Variants in POLR2F observed in about 807,000 individuals in gnomAD.
The protein encoded by POLR2F is RNA polymerase II, I and III subunit F.
Under a neutral mutation model 22.7 loss-of-function variants are expected in POLR2F, and 12 were observed. That is an observed-to-expected ratio of 0.53 (90% CI 0.34 to 0.86). The LOEUF (loss-of-function observed/expected upper bound fraction) is 0.86, where lower values mean the gene tolerates loss of function less well. Among genes scored for constraint, POLR2F ranks in the 40% least tolerant of loss-of-function variants. The pLI, the probability that POLR2F is intolerant of heterozygous loss-of-function variation, is 0.02. For missense variants in POLR2F, 126 were observed against 171.5 expected (o/e 0.73, Z 1.48); for synonymous variants, 57 against 66.0 (o/e 0.86, Z 0.66).
At chr22:37,999,704 C>T (rs1197512474) in intron 1 of POLR2F, among the ~76,000 whole-genome samples, 1 of 152,056 alleles carries the variant, frequency 6.6e-6, no homozygotes, top group Non-Finnish European at 1.5e-5. Context: ...GCAGGGTGCC[C>T]CACTCCTTGG....
chr22:38,027,152 G>C (rs898079111), downstream of POLR2F, among the ~76,000 whole-genome samples: 2 of 152,156 alleles, frequency 1.3e-5, no homozygotes, highest in South Asian at 4.1e-4. Context: ...CAGGTGACTC[G>C]TTAGCGTATG....
At chr22:37,998,607 C>T (rs1293048647) in intron 1 of POLR2F, among the ~76,000 whole-genome samples, 5 of 152,192 alleles carry the variant, frequency 3.3e-5, no homozygotes, top group Non-Finnish European at 4.4e-5. Flanking sequence ...TCCCTCTCTG[C>T]ACCCTCCCTA....
downstream of POLR2F, among the ~76,000 whole-genome samples, chr22:37,970,377 C>T (rs939161145): frequency 2.7e-5 from 4 of 146,392 alleles, no homozygotes; most frequent in Non-Finnish European, 5.9e-5. Flanking sequence ...CCGAGGCAAG[C>T]GGATCATGAG....
Position 37,967,678 on chromosome 22 carries a change from A to C in POLR2F, c.347A>C (p.Glu116Ala). The change falls in exon 5 of 5, where the codon GAA becomes GCA. Residue 116 changes from glutamate to alanine, a missense_variant. By Grantham distance (107) the Glu-to-Ala change is moderately radical. Coordinates refer to ENST00000442738, the MANE Select transcript of POLR2F (RefSeq NM_021974.5). ...IRRYLPDGSY[E>A]DWGVDELIIT... ...CGTTACCTGCCAGATGGGAGCTATG[A>C]AGACTGGGGGGTGGACGAGCTCATC... 6.2e-7 allele frequency: 1 copy of C among 1,613,876 alleles called. No individual in the cohort carries two copies. The highest frequency in any genetic ancestry group is 8.5e-7 in the Non-Finnish European group (1 of 1,179,918).
intron 4 of POLR2F, among the ~76,000 whole-genome samples, chr22:37,975,676 A>G (rs1932199566): frequency 6.6e-6 from 1 of 152,196 alleles, no homozygotes; most frequent in South Asian, 2.1e-4. Context: ...TCTGTACTTC[A>G]AGAGACCTGC....
downstream of POLR2F, chr22:37,971,211 A>T (rs545957860): frequency 7.4e-5 from 35 of 470,654 alleles, no homozygotes; most frequent in African/African-American, 6.8e-4. Flanking sequence ...GATGATGGTT[A>T]AAAATGCAAG....
In POLR2F at chr22:37,967,106, GC is replaced by G. The variant is rs2145749741; in HGVS notation, c.233del (p.Pro78LeufsTer2). On this transcript the variant is annotated frameshift_variant, in exon 4 of 5. Coordinates refer to ENST00000442738, the MANE Select transcript of POLR2F (RefSeq NM_021974.5). LOFTEE classifies it high-confidence loss of function. ...CTGTCCCTATCCCTACAGGATGTGT[GC>G]CCCTGTGATGGTGGAGCTGGAGGGG... is the stretch of plus-strand genomic sequence containing the variant. ...GTRALQIAMCAPVMVELEGET... is the reference protein window; with the variant it reads ...GTRALQIAMCXPVMVELEGET... 6.2e-7 allele frequency: 1 copy of G among 1,611,874 alleles called. No homozygotes were observed. Among genetic ancestry groups the G allele is most frequent in the Non-Finnish European group, 8.5e-7 (1 of 1,178,344 alleles).
intron 1 of POLR2F, among the ~76,000 whole-genome samples, chr22:38,013,589 A>G (rs139905): frequency 0.6 from 90,957 of 152,092 alleles, 27,343 homozygotes; most frequent in East Asian, 0.75. Flanking sequence ...TTTACTAGCT[A>G]GCATACAGTG....
chr22:38,012,455 A>G (rs1172557579), intron 1 of POLR2F, among the ~76,000 whole-genome samples: 1 of 152,188 alleles, frequency 6.6e-6, no homozygotes, highest in African/African-American at 2.4e-5. Context: ...AAATTCCCGT[A>G]TATCCTTTAC....
chr22:38,030,063 C>T (rs1250874916), downstream of POLR2F, among the ~76,000 whole-genome samples: 1 of 152,178 alleles, frequency 6.6e-6, no homozygotes, highest in Non-Finnish European at 1.5e-5. Flanking sequence ...TTGTTTGGCT[C>T]AAGCGTGGGG....
upstream of POLR2F, among the ~76,000 whole-genome samples, chr22:37,981,879 G>C (rs934138958): frequency 6.6e-6 from 1 of 152,190 alleles, no homozygotes; most frequent in Non-Finnish European, 1.5e-5. Context: ...AGGGCACTGA[G>C]GGCTGAGAAG....
At chr22:37,977,572 G>C (rs985418326) in intron 4 of POLR2F, among the ~76,000 whole-genome samples, 5 of 151,858 alleles carry the variant, frequency 3.3e-5, no homozygotes, top group African/African-American at 4.8e-5. Context: ...TGCCCTCCTC[G>C]GCCTCCCAAA....
At chr22:37,983,255 C>T (rs2145776650), upstream of POLR2F, 2 of 1,352,736 alleles carry the variant, frequency 1.5e-6, no homozygotes, top group East Asian at 5.0e-5. The surrounding 1 kb of genome is among the most constrained non-coding windows in gnomAD (Gnocchi z 9.5). Flanking sequence ...GGAGGACTGC[C>T]AGACAGTCCC....
intron 5 of POLR2F, among the ~76,000 whole-genome samples, chr22:38,039,660 C>A (rs544459043): frequency 1.1e-4 from 17 of 152,240 alleles, no homozygotes; most frequent in Non-Finnish European, 2.4e-4. Flanking sequence ...AGCCCTGCCT[C>A]CACAGAGGCG....
rs1181990044 is a variant in POLR2F, at chr22:37,968,429, T to C, written c.*714T>C. ...ACACCCATGCCTTCTTCCTAGCCTC[T>C]ATAAGATATCCTTTCCCTCCTATTT... On this transcript the variant is annotated 3_prime_UTR_variant, in exon 5 of 5. Coordinates refer to ENST00000442738, the MANE Select transcript of POLR2F (RefSeq NM_021974.5). The C allele has an allele frequency of 3.0e-6, 3 of 985,882 alleles. No homozygotes were observed. Among genetic ancestry groups the C allele is most frequent in the Admixed American group, 6.1e-5 (1 of 16,274 alleles). 61.1% of individuals were successfully genotyped at this position (985,882 alleles called of 1,614,324 possible).
downstream of POLR2F, among the ~76,000 whole-genome samples, chr22:37,971,793 T>C (rs1417166788): frequency 6.6e-6 from 1 of 152,044 alleles, no homozygotes; most frequent in Non-Finnish European, 1.5e-5. Context: ...ACCTGTCTCT[T>C]GAATTCTTTG....
chr22:38,038,553 G>A (rs925067555), intron 5 of POLR2F, among the ~76,000 whole-genome samples: 10 of 152,178 alleles, frequency 6.6e-5, no homozygotes, highest in East Asian at 1.9e-4. Flanking sequence ...ACCTTCCGCC[G>A]TGGCCTTGAG....
downstream of POLR2F, chr22:37,972,317 G>A (rs189772048): frequency 4.6e-5 from 50 of 1,098,758 alleles, no homozygotes; most frequent in East Asian, 1.8e-4. Context: ...GCAGGTAACC[G>A]GAACCTTTAA....
At position 38,039,195 on chromosome 22, in the gene POLR2F, C is replaced by T. The variant is rs543477254; in HGVS notation, c.453-1873C>T. Among the ~76,000 whole-genome samples the T allele has an allele frequency of 5.7e-4, 87 of 152,328 alleles. 1 individual carries two copies. The South Asian group carries it at 0.017, about 30-fold the overall frequency. On this transcript the variant is annotated intron_variant, in intron 5 of 5. Coordinates refer to the POLR2F transcript ENST00000407936. ...GAGCCGTCTCTGCACCCGCTCCCAC[C>T]CGTGGGAAGCACCAGATGGGGCTGT...
Sources: gnomAD v4.1 joint callset for allele counts (sites outside exome capture counted in the v4.1 genomes callset) on GRCh38, gnomAD v4.1.1 for gene constraint, Gnocchi (gnomAD v3.1) non-coding constraint, MANE v1.5 for transcripts, NCBI Gene and HGNC (gene_info 2026-07-23, HGNC 2026-07-21) for gene names.